The following PSD3 variants were observed in gnomAD, a reference collection of about 807,000 sequenced individuals.
The protein encoded by PSD3 is pleckstrin and Sec7 domain containing 3.
In PSD3, 49 loss-of-function variants were observed where a neutral mutation model predicts 105.5. That is an observed-to-expected ratio of 0.46 (90% CI 0.37 to 0.59). The LOEUF (loss-of-function observed/expected upper bound fraction) is 0.59, where lower values mean the gene tolerates loss of function less well. Ranked by LOEUF, PSD3 falls within the 20% of genes least tolerant of loss-of-function variation. The pLI, the probability that PSD3 is intolerant of heterozygous loss-of-function variation, is 0.00. For missense variants in PSD3, 1,561 were observed against 1,263.8 expected (o/e 1.24, Z -3.57); for synonymous variants, 557 against 457.8 (o/e 1.22, Z -2.77).
chr8:18,709,265 T>C (rs1802092565), intron 9 of PSD3, among the ~76,000 whole-genome samples: 1 of 152,130 alleles, frequency 6.6e-6, no homozygotes, highest in Non-Finnish European at 1.5e-5. Flanking sequence ...TGGGACCTGA[T>C]CCATCCCTCC....
intron 9 of PSD3, among the ~76,000 whole-genome samples, chr8:18,749,833 C>A (rs978953499): frequency 6.6e-6 from 1 of 152,126 alleles, no homozygotes; most frequent in Admixed American, 6.5e-5. Context: ...AGGAGGACCC[C>A]TGGGCAACAA....
At chr8:19,042,949 C>G (rs1303666591) in intron 1 of PSD3, among the ~76,000 whole-genome samples, 1 of 152,092 alleles carries the variant, frequency 6.6e-6, no homozygotes, top group Non-Finnish European at 1.5e-5. Context: ...GTGAGCTGGC[C>G]AACAATACGA....
At chr8:18,950,078 G>A (rs1823143857) in intron 1 of PSD3, among the ~76,000 whole-genome samples, 1 of 152,080 alleles carries the variant, frequency 6.6e-6, no homozygotes, top group South Asian at 2.1e-4. Flanking sequence ...GTGCCCAATA[G>A]CACCTATTTA....
intron 15 of PSD3, among the ~76,000 whole-genome samples, chr8:18,537,604 G>T (rs1252555816): frequency 6.6e-6 from 1 of 152,112 alleles, no homozygotes; most frequent in Non-Finnish European, 1.5e-5. Context: ...TCTTTTGGGG[G>T]GCTTCTGGGA....
intron 1 of PSD3, among the ~76,000 whole-genome samples, chr8:19,070,917 T>C (rs1166512960): frequency 6.6e-6 from 1 of 152,232 alleles, no homozygotes; most frequent in Non-Finnish European, 1.5e-5. Flanking sequence ...CTCTTTTCTT[T>C]AGTTAGGCTA....
chr8:18,750,435 G>A (rs1332294127), intron 9 of PSD3, among the ~76,000 whole-genome samples: 1 of 152,068 alleles, frequency 6.6e-6, no homozygotes, highest in African/African-American at 2.4e-5. Flanking sequence ...GTGGGCTCGT[G>A]GTCTTGCTGG....
chr8:19,014,763 G>T (rs369228486), upstream of PSD3, among the ~76,000 whole-genome samples: 2 of 152,262 alleles, frequency 1.3e-5, no homozygotes, highest in African/African-American at 4.8e-5. The surrounding 1 kb of genome is among the most constrained non-coding windows in gnomAD (Gnocchi z 4.9). Flanking sequence ...CCACGATCTC[G>T]CCCACCATGT....
intron 2 of PSD3, among the ~76,000 whole-genome samples, chr8:18,903,930 C>T (rs1405563146): frequency 6.6e-6 from 1 of 151,996 alleles, no homozygotes. Flanking sequence ...CCCAAGAAGG[C>T]GGGGAGAGGG....
chr8:18,886,821 G>C (rs111681148), intron 2 of PSD3: 1 of 152,362 alleles, frequency 6.6e-6, no homozygotes, highest in South Asian at 2.1e-4. Flanking sequence ...TTGAGCACTT[G>C]GAACCCGAGC....
chr8:18,594,982 A>G (rs1803983211), intron 12 of PSD3, among the ~76,000 whole-genome samples: 1 of 152,092 alleles, frequency 6.6e-6, no homozygotes, highest in African/African-American at 2.4e-5. Flanking sequence ...GGAAAAATAT[A>G]CAATGCTTTA....
At chr8:18,872,835 TAAC>T in intron 2 of PSD3, 102 bp from the exon 3 acceptor site, 1 of 1,140,148 alleles carries the variant, frequency 8.8e-7, no homozygotes, top group South Asian at 1.6e-5. Context: ...TAATACTTAT[TAAC>T]TTGATTATTG....
At chr8:18,942,198 G>A (rs562863443) in intron 1 of PSD3, among the ~76,000 whole-genome samples, 2 of 152,242 alleles carry the variant, frequency 1.3e-5, no homozygotes, top group South Asian at 4.1e-4. Context: ...ATGATTTTCA[G>A]AGAATCTGAA....
At chr8:18,992,287 C>T (rs995748170) in intron 1 of PSD3, among the ~76,000 whole-genome samples, 1 of 144,904 alleles carries the variant, frequency 6.9e-6, no homozygotes, top group African/African-American at 2.5e-5. Context: ...CCAGGGAATC[C>T]TTTTAATTTG....
intron 1 of PSD3, among the ~76,000 whole-genome samples, chr8:19,010,399 C>T (rs1305676529): frequency 1.3e-5 from 2 of 152,206 alleles, no homozygotes; most frequent in Non-Finnish European, 2.9e-5. Flanking sequence ...ACTGCAGGGA[C>T]ATGCACTGTT....
chr8:18,849,431 T>C (rs1008845601), intron 4 of PSD3: 2 of 152,232 alleles, frequency 1.3e-5, no homozygotes, highest in African/African-American at 4.8e-5. Context: ...TCAGCCGAGA[T>C]GTAAACTACG....
chr8:19,007,264 T>G (rs1586619100), intron 1 of PSD3, among the ~76,000 whole-genome samples: 1 of 144,338 alleles, frequency 6.9e-6, no homozygotes, highest in East Asian at 2.1e-4. Context: ...AAAAAATAAA[T>G]AGAGAGAGAG....
At chr8:18,807,835 G>A (rs1019465544) in intron 4 of PSD3, among the ~76,000 whole-genome samples, 1 of 152,114 alleles carries the variant, frequency 6.6e-6, no homozygotes, top group Non-Finnish European at 1.5e-5. Context: ...GCTGGGTGTG[G>A]TGGCTGAAAC....
chr8:18,562,464 G>C (rs1195334618), intron 14 of PSD3, among the ~76,000 whole-genome samples: 1 of 152,184 alleles, frequency 6.6e-6, no homozygotes, highest in African/African-American at 2.4e-5. Flanking sequence ...TGTCTTACTT[G>C]ACAGATCAAT....
intron 1 of PSD3, among the ~76,000 whole-genome samples, chr8:18,937,566 G>C (rs1054453719): frequency 3.9e-5 from 6 of 152,164 alleles, no homozygotes; most frequent in African/African-American, 1.4e-4. Flanking sequence ...CCAAGAGCTA[G>C]CGTGCACAAC....
Sources: allele counts gnomAD v4.1 joint callset (sites outside exome capture counted in the v4.1 genomes callset), GRCh38; gene constraint gnomAD v4.1.1; non-coding constraint Gnocchi (gnomAD v3.1); transcripts MANE v1.5; gene names NCBI Gene and HGNC (gene_info 2026-07-23, HGNC 2026-07-21).